The following UNC45A variants were observed in gnomAD, a reference collection of about 807,000 sequenced individuals.
The protein encoded by UNC45A is protein unc-45 homolog A.
UNC45A carries 78 observed loss-of-function variants against 103.2 expected under a neutral mutation model. That is an observed-to-expected ratio of 0.76 (90% confidence interval 0.63 to 0.91). The LOEUF is 0.91. Among genes scored for constraint, UNC45A ranks in the 40% least tolerant of loss-of-function variants. The pLI is 0.00. For missense variants in UNC45A, 1,193 were observed against 1,224.8 expected (o/e 0.97, Z 0.39); for synonymous variants, 495 against 504.6 (o/e 0.98, Z 0.25).
chr15:90,935,842 G>GT, intron 2 of UNC45A, 104 bp from the exon 3 acceptor site: 1 of 1,582,124 alleles, frequency 6.3e-7, no homozygotes, highest in Non-Finnish European at 8.6e-7. Flanking sequence ...CCTCAGGGTG[G>GT]TGGGGGATCG....
intron 10 of UNC45A, 52 bp downstream of exon 10, chr15:90,946,966 G>T (rs1285453280): frequency 6.4e-7 from 1 of 1,561,598 alleles, no homozygotes; most frequent in South Asian, 1.2e-5. Flanking sequence ...AGGGGTCCTG[G>T]TCCAGCCGGT....
chr15:90,953,371 A>G (rs2037039786), intron 19 of UNC45A, 61 bp downstream of exon 19: 1 of 1,593,138 alleles, frequency 6.3e-7, no homozygotes, highest in Non-Finnish European at 8.5e-7. Context: ...CAGCAGCTGA[A>G]GGGGGCAGTC....
At chr15:90,945,303 A>T (rs1466867760) in intron 9 of UNC45A, among the ~76,000 whole-genome samples, 1 of 152,106 alleles carries the variant, frequency 6.6e-6, no homozygotes, top group Non-Finnish European at 1.5e-5. Flanking sequence ...TCAAGCACGT[A>T]CTGGGTTTAC....
Position 90,952,962 on chromosome 15 carries a change from G to GA in UNC45A, c.2338dup (p.Ile780AsnfsTer7). Reference sequence around the variant, plus strand: ...TCCTGAAGGAGAAGGCTGTGCCCATGATAGAAGGCTACATGTTTGAGGAGC... The same window carrying GA: ...TCCTGAAGGAGAAGGCTGTGCCCATGAATAGAAGGCTACATGTTTGAGGAGC... On this transcript the variant is annotated frameshift_variant, in exon 18 of 20. Coordinates refer to ENST00000418476, the MANE Select transcript of UNC45A (RefSeq NM_018671.5). LOFTEE classifies it high-confidence loss of function. The GA allele has an allele frequency of 6.2e-7, 1 of 1,613,396 alleles. No individual in the cohort carries two copies. The highest frequency in any genetic ancestry group is 1.1e-5 in the South Asian group (1 of 91,088).
rs746752281 is a variant in UNC45A, at chr15:90,950,571, G to A, written c.2259G>A (p.Ala753=). Residue 753 remains alanine (A), a synonymous_variant, in exon 17 of 20, where the codon GCG becomes GCA. Coordinates refer to ENST00000418476, the MANE Select transcript of UNC45A (RefSeq NM_018671.5). ...LNCSGLQNFE[A]LMALTNLAGI... Reference sequence around the variant, plus strand: ...GCTCAGGCCTGCAGAACTTCGAGGCGCTCATGGCCCTAACAAACCTGGCTG... The same window carrying A: ...GCTCAGGCCTGCAGAACTTCGAGGCACTCATGGCCCTAACAAACCTGGCTG... The A allele has an allele frequency of 9.9e-6, 16 of 1,614,058 alleles. No individual in the cohort carries two copies. The highest frequency in any genetic ancestry group is 2.2e-5 in the South Asian group (2 of 91,088).
intron 8 of UNC45A, among the ~76,000 whole-genome samples, chr15:90,944,033 T>G (rs967348404): frequency 7.2e-6 from 1 of 139,600 alleles, no homozygotes. Context: ...CATGTATTAC[T>G]TCTATACTCA....
At chr15:90,950,718 T>G (rs773854151) in intron 17 of UNC45A, 103 bp downstream of exon 17, 44 of 1,192,854 alleles carry the variant, frequency 3.7e-5, no homozygotes, top group Non-Finnish European at 5.0e-5. Flanking sequence ...CATGGGCTTC[T>G]GTGAGCCTCA....
At chr15:90,949,588 T>A in intron 14 of UNC45A, 66 bp from the exon 15 acceptor site, 3 of 1,608,922 alleles carry the variant, frequency 1.9e-6, no homozygotes, top group Non-Finnish European at 2.5e-6. Context: ...TTGCTGAGCC[T>A]AGGAGTGCAG....
At chr15:90,941,251 C>T (rs1051370282) in intron 6 of UNC45A, among the ~76,000 whole-genome samples, 21 of 152,092 alleles carry the variant, frequency 1.4e-4, no homozygotes, top group Admixed American at 1.0e-3. Context: ...GGCTTGATCC[C>T]GACATGATTC....
At position 90,943,217 on chromosome 15, in the gene UNC45A, G is replaced by A. The variant is rs1362255726; in HGVS notation, c.1027+135G>A. On this transcript the variant is annotated intron_variant, in intron 8 of 19. Coordinates refer to ENST00000418476, the MANE Select transcript of UNC45A (RefSeq NM_018671.5). ...GAGAGGCAGGGGGTCACTTGAAGCC[G>A]GGAGTTTGAGATCAGCCTGGGCAAC... 1.3e-5 allele frequency: 15 copies of A among 1,118,146 alleles called. No individual in the cohort carries two copies. The Middle Eastern group carries it at 7.0e-4, about 52-fold the overall frequency. The allele number at this position is 1,118,146 out of a possible 1,614,324, so 69.3% of individuals were successfully genotyped here.
At chr15:90,933,752 T>C, upstream of UNC45A, 1 of 300,494 alleles carries the variant, frequency 3.3e-6, no homozygotes, top group Non-Finnish European at 6.1e-6. Flanking sequence ...TTGTTCTTCA[T>C]ACTAATGGCT....
chr15:90,946,459 T>C (rs763395923), intron 9 of UNC45A, among the ~76,000 whole-genome samples, 155 bp from the exon 10 acceptor site: 6 of 152,210 alleles, frequency 3.9e-5, no homozygotes, highest in African/African-American at 1.4e-4. Flanking sequence ...TCAGCCATTA[T>C]TGTCCAGGTG....
At chr15:90,949,627 C>CT (rs1426459042) in intron 14 of UNC45A, 27 bp from the exon 15 acceptor site, 1 of 1,613,600 alleles carries the variant, frequency 6.2e-7, no homozygotes, top group East Asian at 2.2e-5. Flanking sequence ...CCAGAGCTGC[C>CT]TGCCCACCAC....
At chr15:90,948,038 T>C in intron 11 of UNC45A, 104 bp from the exon 12 acceptor site, 1 of 1,554,434 alleles carries the variant, frequency 6.4e-7, no homozygotes, top group Non-Finnish European at 8.8e-7. Context: ...ACTGCTTCTG[T>C]ACATTGAGGG....
At chr15:90,931,383 CTG>C, upstream of UNC45A, 3 of 1,564,034 alleles carry the variant, frequency 1.9e-6, no homozygotes, top group Non-Finnish European at 2.6e-6. Context: ...CGAAGTATTC[CTG>C]GACTCGATGT....
upstream of UNC45A, chr15:90,932,176 T>C (rs2035823019): frequency 1.0e-5 from 15 of 1,506,590 alleles, no homozygotes; most frequent in South Asian, 1.6e-4. Flanking sequence ...GTTGTGGGTT[T>C]TGGAGAGCCA....
intron 17 of UNC45A, chr15:90,952,134 G>A (rs899871419): frequency 6.6e-6 from 1 of 152,340 alleles, no homozygotes; most frequent in African/African-American, 2.4e-5. Context: ...GGACTTGATT[G>A]CATGAGGGTG....
rs200948312 is a variant in UNC45A, at chr15:90,950,566, G to A, written c.2254G>A (p.Glu752Lys). Residue 752 changes from glutamate (E) to lysine (K), a missense_variant, in exon 17 of 20, where the codon GAG becomes AAG. Transcript: ENST00000418476. ...CAACTGCTCAGGCCTGCAGAACTTC[G>A]AGGCGCTCATGGCCCTAACAAACCT... is the stretch of plus-strand genomic sequence containing the variant. ...HLNCSGLQNF[E>K]ALMALTNLAG... 15 of 1,614,168 alleles carry A rather than the reference G, an allele frequency of 9.3e-6. No individual in the cohort carries two copies. The highest frequency in any genetic ancestry group is 7.7e-5 in the South Asian group (7 of 91,080).
At chr15:90,932,527 G>A (rs781086745), upstream of UNC45A, 14 of 1,270,216 alleles carry the variant, frequency 1.1e-5, no homozygotes, top group Non-Finnish European at 1.3e-5. Flanking sequence ...CAGCTGCGCC[G>A]CCTCAGAGCC....
Sources: gnomAD v4.1 joint callset for allele counts (sites outside exome capture counted in the v4.1 genomes callset) on GRCh38, gnomAD v4.1.1 for gene constraint, MANE v1.5 for transcripts, NCBI Gene and HGNC (gene_info 2026-07-23, HGNC 2026-07-21) for gene names.